Variants in WDR86 observed in about 807,000 individuals in gnomAD.
The protein encoded by WDR86 is WD repeat domain 86.
WDR86 carries 30 observed loss-of-function variants against 36.5 expected under a neutral mutation model. That is an observed-to-expected ratio of 0.82 (90% CI 0.61 to 1.11). The LOEUF (loss-of-function observed/expected upper bound fraction) is 1.11. Among genes scored for constraint, WDR86 ranks in the 50% most tolerant of loss-of-function variants. WDR86 has a pLI of 0.00. For missense variants in WDR86, 545 were observed against 561.2 expected (o/e 0.97, Z 0.29); for synonymous variants, 255 against 252.9 (o/e 1.01, Z -0.08).
chr7:151,395,896 G>A lies in WDR86; in HGVS notation c.606C>T (p.Asp202=). The A allele has an allele frequency of 6.2e-7, 1 of 1,602,680 alleles. No homozygotes were observed. The highest frequency in any genetic ancestry group is 8.5e-7 in the Non-Finnish European group (1 of 1,177,038). ...CTGTGAAGGCCGTGTGGCCGGGCGTGTCTAGCACTAGGCACAGCACTGCAC... is the reference window on the plus strand; with the variant it reads ...CTGTGAAGGCCGTGTGGCCGGGCGTATCTAGCACTAGGCACAGCACTGCAC... ...HTGAVLCLVL[D]TPGHTAFTGS... is the part of the protein sequence containing the mutation. The change falls in exon 3 of 6, where the codon GAC becomes GAT. Residue 202 remains aspartate, a synonymous_variant. Transcript: ENST00000334493.
chr7:151,402,063 AAAAAAAAATAT>A lies in WDR86; in HGVS notation c.164-1833_164-1823del, dbSNP rs1800352928. 2.7e-5 allele frequency among the ~76,000 whole-genome samples: 3 copies of A among 110,706 alleles called. No homozygotes were observed. The South Asian group carries it at 7.9e-4, about 29-fold the overall frequency. 72.6% of individuals were successfully genotyped at this position (110,706 alleles called of 152,430 possible). A position where few individuals can be genotyped will look rare whatever the true frequency, so the allele number is the denominator to read the frequency against. On this transcript the variant is annotated intron_variant, in intron 1 of 5. Transcript: ENST00000334493. ...ACTCTGCCTCAAAAAAAAAAAAAAA[AAAAAAAAATAT>A]ATATATATATATATATATCTCCACA... is the stretch of plus-strand genomic sequence containing the variant.
downstream of WDR86, chr7:151,374,373 C>G: frequency 8.3e-7 from 1 of 1,212,066 alleles, no homozygotes; most frequent in African/African-American, 1.5e-5. Flanking sequence ...ATCTGAAGGG[C>G]AGGTTTCTCC....
chr7:151,395,886 G>A lies in WDR86; in HGVS notation c.616C>T (p.His206Tyr), dbSNP rs1309596410. ...TCGGTGCTGCCTGTGAAGGCCGTGT[G>A]GCCGGGCGTGTCTAGCACTAGGCAC... ...VLCLVLDTPGHTAFTGSTDAT... is the reference protein window; with the variant it reads ...VLCLVLDTPGYTAFTGSTDAT... The change falls in exon 3 of 6, where the codon CAC (histidine) becomes TAC (tyrosine). Residue 206 changes from histidine (H) to tyrosine (Y), a missense_variant. By Grantham distance (83) the His-to-Tyr change is moderately conservative. Coordinates refer to ENST00000334493, the MANE Select transcript of WDR86 (RefSeq NM_198285.3). The A allele has an allele frequency of 6.2e-7, 1 of 1,602,164 alleles. No homozygotes were observed. The highest frequency in any genetic ancestry group is 1.1e-5 in the South Asian group (1 of 89,174).
intron 4 of WDR86, 60 bp from the exon 5 acceptor site, chr7:151,382,041 T>C: frequency 6.7e-7 from 1 of 1,482,512 alleles, no homozygotes. Flanking sequence ...CAAGCAGGGA[T>C]GGGGCGGCGA....
rs1255436985 is a variant in WDR86, at chr7:151,405,505, G to A, written c.163+3922C>T. Among the ~76,000 whole-genome samples, 5 of 152,224 alleles carry A rather than the reference G, an allele frequency of 3.3e-5. No individual in the cohort carries two copies. The highest frequency in any genetic ancestry group is 1.5e-5 in the Non-Finnish European group (1 of 68,046). On this transcript the variant is annotated intron_variant, in intron 1 of 5. Transcript: ENST00000334493. This position sits in a 1 kb window ranked among gnomAD's most constrained non-coding sequence, Gnocchi z 4.7. ...CTCCTGGTAGAACCCAGTTTCGAGG[G>A]TGCTGGGACCCTGAGGCAGGTGACA...
intron 3 of WDR86, among the ~76,000 whole-genome samples, chr7:151,393,795 G>A (rs1279915092): frequency 6.6e-6 from 1 of 152,098 alleles, no homozygotes; most frequent in African/African-American, 2.4e-5. Context: ...GGCCACTAGT[G>A]CTGACTCTCA....
downstream of WDR86, among the ~76,000 whole-genome samples, chr7:151,380,178 G>A (rs1003253721): frequency 1.3e-5 from 2 of 152,188 alleles, no homozygotes; most frequent in African/African-American, 4.8e-5. Context: ...CTGGGGTGGG[G>A]GTCGGGGGCA....
intron 3 of WDR86, among the ~76,000 whole-genome samples, chr7:151,392,419 T>G (rs1292186807): frequency 6.6e-6 from 1 of 152,128 alleles, no homozygotes; most frequent in Non-Finnish European, 1.5e-5. Flanking sequence ...GGGTTTGTGT[T>G]TACAGGGGTA....
At chr7:151,370,693 C>G in the WDR86 span, among the ~76,000 whole-genome samples, 1 of 128,078 alleles carries the variant, frequency 7.8e-6, no homozygotes, top group African/African-American at 3.0e-5. Context: ...TCCCTCCCCC[C>G]TCCCCCCACC....
chr7:151,379,458 A>C (rs757619334), downstream of WDR86, among the ~76,000 whole-genome samples: 1 of 152,094 alleles, frequency 6.6e-6, no homozygotes, highest in African/African-American at 2.4e-5. Context: ...CAGTCAATTT[A>C]TCAAAAGCAG....
intron 3 of WDR86, among the ~76,000 whole-genome samples, chr7:151,385,635 A>G (rs1402496937): frequency 6.6e-6 from 1 of 152,180 alleles, no homozygotes; most frequent in Non-Finnish European, 1.5e-5. Context: ...TTTGCTTCAG[A>G]CAGGACAGAG....
intron 2 of WDR86, among the ~76,000 whole-genome samples, chr7:151,397,845 C>A (rs1035196553): frequency 2.4e-5 from 3 of 125,778 alleles, no homozygotes; most frequent in Non-Finnish European, 4.8e-5. Flanking sequence ...AAGGGCATAG[C>A]GGGAGGAAGG....
chr7:151,408,946 C>T, intron 1 of WDR86: 1 of 472,658 alleles, frequency 2.1e-6, no homozygotes, highest in Non-Finnish European at 4.4e-6. Context: ...CGACGGCACA[C>T]TTCTCCGCAC....
chr7:151,382,067 C>T, intron 4 of WDR86, 86 bp from the exon 5 acceptor site: 1 of 1,229,806 alleles, frequency 8.1e-7, no homozygotes, highest in Non-Finnish European at 1.1e-6. Flanking sequence ...TGACCTGGGG[C>T]GTCTCCGAGA....
rs545458008 is a variant in WDR86, at chr7:151,400,651, G to A, written c.164-410C>T. ...GCCTGCCTTGGCCTCCCAAAGTGCT[G>A]GAATTACAGGCGTGAGCCACTGCGC... On this transcript the variant is annotated intron_variant, in intron 1 of 5. Transcript: ENST00000334493. Among the ~76,000 whole-genome samples, 52 of 152,324 alleles carry A rather than the reference G, an allele frequency of 3.4e-4. No individual in the cohort carries two copies. The South Asian group carries it at 4.4e-3, about 13-fold the overall frequency.
chr7:151,406,183 T>C lies in WDR86; in HGVS notation c.163+3244A>G, dbSNP rs1800689709. On this transcript the variant is annotated intron_variant, in intron 1 of 5. Coordinates refer to ENST00000334493, the MANE Select transcript of WDR86 (RefSeq NM_198285.3). This position sits in a 1 kb window ranked among gnomAD's most constrained non-coding sequence, Gnocchi z 4.4. ...AGTGAATGCACCCACAGGGAGGGGC[T>C]CCCCACACGCCGGTTCTGCAGCCCA... Among the ~76,000 whole-genome samples the C allele has an allele frequency of 6.6e-6, 1 of 151,976 alleles. No individual in the cohort carries two copies. Among genetic ancestry groups the C allele is most frequent in the Non-Finnish European group, 1.5e-5 (1 of 67,988 alleles).
chr7:151,375,186 G>GTAAC (rs1355793567), downstream of WDR86, among the ~76,000 whole-genome samples: 2 of 152,148 alleles, frequency 1.3e-5, no homozygotes, highest in Non-Finnish European at 2.9e-5. Flanking sequence ...CAGTACTTTT[G>GTAAC]TAACTATGTA....
intron 3 of WDR86, among the ~76,000 whole-genome samples, chr7:151,394,424 C>T (rs900502148): frequency 2.0e-5 from 3 of 152,228 alleles, no homozygotes; most frequent in African/African-American, 7.2e-5. Context: ...GACTCCAGCC[C>T]CGTCACCCGG....
rs746461816 is a variant in WDR86 at position 151,409,014 on chromosome 7, G to T, written c.163+413C>A. On this transcript the variant is annotated intron_variant, in intron 1 of 5. Transcript: ENST00000334493. The surrounding 1 kb of genome is among the most constrained non-coding windows in gnomAD (Gnocchi z 5.2). The stretch of plus-strand genomic sequence containing the variant: ...TGAGAGTCGTCAACAGGAAATGCCA[G>T]CAGAAGAGCACAATTGGCCACAAAG... The T allele has an allele frequency of 8.7e-5, 42 of 484,202 alleles. No individual in the cohort carries two copies. The highest frequency in any genetic ancestry group is 8.1e-4 in the African/African-American group (41 of 50,704). 30.0% of individuals were successfully genotyped at this position (484,202 alleles called of 1,614,324 possible).
Sources: allele counts gnomAD v4.1 joint callset (sites outside exome capture counted in the v4.1 genomes callset), GRCh38; gene constraint gnomAD v4.1.1; non-coding constraint Gnocchi (gnomAD v3.1); transcripts MANE v1.5; gene names NCBI Gene and HGNC (gene_info 2026-07-23, HGNC 2026-07-21).